Variants in RAPGEF2 observed in about 807,000 individuals in gnomAD.
RAPGEF2 encodes the protein Rap guanine nucleotide exchange factor 2.
A neutral mutation model predicts 186.7 loss-of-function variants in RAPGEF2; 54 were observed. The observed-to-expected ratio is 0.29, with a 90% CI of 0.23 to 0.36. The LOEUF (loss-of-function observed/expected upper bound fraction) is 0.36. Ranked by LOEUF, RAPGEF2 falls within the 10% of genes least tolerant of loss-of-function variation. The pLI, the probability that RAPGEF2 is intolerant of heterozygous loss-of-function variation, is 1.00. For synonymous variants in RAPGEF2, 712 were observed against 705.9 expected (o/e 1.01, Z -0.14); for missense variants, 1,532 against 2,045.0 (o/e 0.75, Z 4.84).
At chr4:159,204,646 CAGA>C (rs1749781473) in intron 3 of RAPGEF2, among the ~76,000 whole-genome samples, 1 of 152,180 alleles carries the variant, frequency 6.6e-6, no homozygotes, top group Non-Finnish European at 1.5e-5. Flanking sequence ...TGATGAAAAA[CAGA>C]AACAGGAGCC....
intron 1 of RAPGEF2, among the ~76,000 whole-genome samples, chr4:159,128,227 T>C (rs1740590085): frequency 6.6e-6 from 1 of 152,132 alleles, no homozygotes; most frequent in South Asian, 2.1e-4. Flanking sequence ...TAATAGTACA[T>C]TTTGGGGCCT....
chr4:159,326,449 A>C (rs551199087), intron 11 of RAPGEF2, among the ~76,000 whole-genome samples: 3 of 152,326 alleles, frequency 2.0e-5, no homozygotes, highest in East Asian at 3.9e-4. Context: ...TCATTATCTT[A>C]TATTTCAGGG....
At chr4:159,229,894 G>A (rs1190139641) in intron 4 of RAPGEF2, among the ~76,000 whole-genome samples, 1 of 152,100 alleles carries the variant, frequency 6.6e-6, no homozygotes, top group Non-Finnish European at 1.5e-5. Context: ...TCATTTACTG[G>A]TGGGCTTAAT....
chr4:159,231,106 G>C (rs1216872167), intron 4 of RAPGEF2, among the ~76,000 whole-genome samples: 1 of 152,048 alleles, frequency 6.6e-6, no homozygotes, highest in Non-Finnish European at 1.5e-5. Flanking sequence ...ACTTTTCTAT[G>C]TTTAGATGTT....
chr4:159,117,188 TAAG>T (rs1200099344), intron 1 of RAPGEF2, among the ~76,000 whole-genome samples: 2 of 152,190 alleles, frequency 1.3e-5, no homozygotes, highest in Admixed American at 6.5e-5. Context: ...AGAGTTGAAA[TAAG>T]GAGGAATTTG....
At position 159,172,752 on chromosome 4, in the gene RAPGEF2, G is replaced by A. The variant is rs192318818; in HGVS notation, c.70-13890G>A. Among the ~76,000 whole-genome samples, 333 of 152,296 alleles carry A rather than the reference G, an allele frequency of 2.2e-3. 2 individuals carry two copies. The highest frequency in any genetic ancestry group is 7.4e-3 in the African/African-American group (307 of 41,582). On this transcript the variant is annotated intron_variant, in intron 1 of 29. Coordinates refer to ENST00000691494, the MANE Select transcript of RAPGEF2 (RefSeq NM_001394067.2). ...GAGAATTCAAAACATGTATTGAAAG[G>A]TGAGATACTTCAGAAACTATAACTT...
At chr4:159,262,407 G>T (rs1756977079) in intron 7 of RAPGEF2, among the ~76,000 whole-genome samples, 1 of 152,034 alleles carries the variant, frequency 6.6e-6, no homozygotes, top group South Asian at 2.1e-4. Flanking sequence ...TTAGTGGGGG[G>T]GCCTTGTTCT....
chr4:159,290,574 A>G (rs1761067459), intron 7 of RAPGEF2, among the ~76,000 whole-genome samples: 1 of 152,202 alleles, frequency 6.6e-6, no homozygotes, highest in South Asian at 2.1e-4. Context: ...TTTGGGAAGA[A>G]TGTACTTTCT....
chr4:159,169,917 CT>C (rs1745722509), intron 1 of RAPGEF2, among the ~76,000 whole-genome samples: 1 of 152,036 alleles, frequency 6.6e-6, no homozygotes, highest in Admixed American at 6.6e-5. Context: ...ATTTCATTTC[CT>C]TGAATATATA....
chr4:159,196,324 C>T (rs760074756), intron 3 of RAPGEF2, among the ~76,000 whole-genome samples: 5 of 151,922 alleles, frequency 3.3e-5, no homozygotes, highest in Non-Finnish European at 5.9e-5. Context: ...TCCTCTTTTT[C>T]GGACCTGTTA....
rs928423051 is a variant in RAPGEF2, at chr4:159,186,566, T to A, written c.70-76T>A. ...GCTATCCATAGTTTAATTTGGTTTGTAGATACAGTGTGACTTATTTTAGAA... is the reference window on the plus strand; with the variant it reads ...GCTATCCATAGTTTAATTTGGTTTGAAGATACAGTGTGACTTATTTTAGAA... On this transcript the variant is annotated intron_variant, in intron 1 of 29. Coordinates refer to ENST00000691494, the MANE Select transcript of RAPGEF2 (RefSeq NM_001394067.2). 3.8e-5 allele frequency: 26 copies of A among 681,902 alleles called. No individual in the cohort carries two copies. In the African/African-American group the frequency reaches 4.8e-4, roughly 13 times the overall value. 42.2% of individuals were successfully genotyped at this position (681,902 alleles called of 1,614,324 possible). A position where few individuals can be genotyped will look rare whatever the true frequency, so the allele number is the denominator to read the frequency against.
chr4:159,238,740 A>T, intron 4 of RAPGEF2, 69 bp from the exon 5 acceptor site: 1 of 1,134,376 alleles, frequency 8.8e-7, no homozygotes, highest in Non-Finnish European at 1.2e-6. Context: ...AGTTTGGCTT[A>T]TGTTCACAAA....
rs1485428486 is a variant in RAPGEF2 at position 159,298,977 on chromosome 4, C to T, written c.544-5365C>T. Among the ~76,000 whole-genome samples the T allele has an allele frequency of 2.0e-5, 3 of 152,180 alleles. No homozygotes were observed. The East Asian group carries it at 5.8e-4, about 29-fold the overall frequency. On this transcript the variant is annotated intron_variant, in intron 7 of 29. Transcript: ENST00000691494. ...TGAATGCTGAATGAAAATATAGTAT[C>T]CTTTATTTTTTACAAATACCTCAGA...
At chr4:159,338,247 T>C in intron 17 of RAPGEF2, 64 bp from the exon 18 acceptor site, 1 of 1,441,272 alleles carries the variant, frequency 6.9e-7, no homozygotes, top group Non-Finnish European at 9.5e-7. Context: ...CTGTGTTTAT[T>C]ATATAGTGAT....
chr4:159,104,518 GAGAGAGA>G (rs1560964665), intron 1 of RAPGEF2, among the ~76,000 whole-genome samples: 1 of 130,192 alleles, frequency 7.7e-6, no homozygotes, highest in Non-Finnish European at 1.6e-5. Flanking sequence ...GAGAGAGAGA[GAGAGAGA>G]GGGAGAGACA....
At chr4:159,175,780 C>T (rs1358609310) in intron 1 of RAPGEF2, among the ~76,000 whole-genome samples, 1 of 152,192 alleles carries the variant, frequency 6.6e-6, no homozygotes, top group African/African-American at 2.4e-5. Flanking sequence ...CCGTAACACA[C>T]AGATTGAAAA....
intron 4 of RAPGEF2, among the ~76,000 whole-genome samples, chr4:159,233,610 G>C (rs1484535724): frequency 6.6e-6 from 1 of 152,038 alleles, no homozygotes; most frequent in Non-Finnish European, 1.5e-5. Flanking sequence ...AATGGACTTT[G>C]GGGACTCGGG....
intron 10 of RAPGEF2, among the ~76,000 whole-genome samples, 175 bp from the exon 11 acceptor site, chr4:159,323,284 A>G (rs1252745266): frequency 1.3e-5 from 2 of 152,216 alleles, no homozygotes; most frequent in Non-Finnish European, 2.9e-5. Flanking sequence ...AAATATGTAG[A>G]TATGTGGCTG....
chr4:159,269,600 A>C (rs1345338096), intron 7 of RAPGEF2, among the ~76,000 whole-genome samples: 1 of 152,196 alleles, frequency 6.6e-6, no homozygotes, highest in African/African-American at 2.4e-5. Context: ...GGAACCTTAG[A>C]AACAAAAATT....
Sources: gnomAD v4.1 joint callset for allele counts (sites outside exome capture counted in the v4.1 genomes callset) on GRCh38, gnomAD v4.1.1 for gene constraint, MANE v1.5 for transcripts, NCBI Gene and HGNC (gene_info 2026-07-23, HGNC 2026-07-21) for gene names.